GRIA4: variants seen among roughly 807,000 people sequenced by gnomAD.
GRIA4 encodes glutamate ionotropic receptor AMPA type subunit 4.
Under a neutral mutation model 104.0 loss-of-function variants are expected in GRIA4, and 34 were observed. The ratio of observed to expected loss-of-function variants is 0.33; its 90% CI spans 0.25 to 0.44. GRIA4 has a LOEUF of 0.44. Among genes scored for constraint, GRIA4 ranks in the 20% least tolerant of loss-of-function variants. GRIA4 has a pLI of 1.00. For missense variants in GRIA4, 750 were observed against 1,096.5 expected (o/e 0.68, Z 4.46); for synonymous variants, 386 against 381.9 (o/e 1.01, Z -0.13).
intron 16 of GRIA4, among the ~76,000 whole-genome samples, chr11:105,976,653 G>A (rs73552653): frequency 1.2e-3 from 176 of 152,014 alleles, no homozygotes; most frequent in African/African-American, 4.1e-3. Context: ...GGAAATGATT[G>A]GTAATTCAAA....
At chr11:105,940,886 C>G (rs1948166165) in intron 14 of GRIA4, among the ~76,000 whole-genome samples, 1 of 152,024 alleles carries the variant, frequency 6.6e-6, no homozygotes, top group African/African-American at 2.4e-5. Context: ...AGCAATGACT[C>G]TGGTTTAGAA....
intron 7 of GRIA4, among the ~76,000 whole-genome samples, chr11:105,899,778 C>A (rs1422652875): frequency 6.6e-6 from 1 of 152,174 alleles, no homozygotes; most frequent in African/African-American, 2.4e-5. Context: ...TTTAAAGAAA[C>A]CTTATTTAAT....
intron 4 of GRIA4, among the ~76,000 whole-genome samples, chr11:105,809,298 T>C (rs1266188205): frequency 6.6e-6 from 1 of 152,184 alleles, no homozygotes; most frequent in Non-Finnish European, 1.5e-5. Flanking sequence ...CAAAGTGTAA[T>C]GATCAAATCT....
At position 105,724,336 on chromosome 11, in the gene GRIA4, CATAG is replaced by C. The variant is rs200822644; in HGVS notation, c.248-28630_248-28627del. Among the ~76,000 whole-genome samples, 774 of 140,996 alleles carry C rather than the reference CATAG, an allele frequency of 5.5e-3. 16 individuals are homozygous for C. Among genetic ancestry groups the C allele is most frequent in the African/African-American group, 0.018 (715 of 39,376 alleles). The allele number at this position is 140,996 out of a possible 152,430, so 92.5% of individuals were successfully genotyped here. ...AAATAAAATGTGACATATATATATACATAGATAGATAGATAGATGGATACACACA... is the reference window on the plus strand; with the variant it reads ...AAATAAAATGTGACATATATATATACATAGATAGATAGATGGATACACACA... On this transcript the variant is annotated intron_variant, in intron 3 of 16. Coordinates refer to ENST00000282499, the MANE Select transcript of GRIA4 (RefSeq NM_000829.4).
intron 4 of GRIA4, among the ~76,000 whole-genome samples, chr11:105,836,749 G>A (rs1944202435): frequency 6.6e-6 from 1 of 152,158 alleles, no homozygotes; most frequent in Non-Finnish European, 1.5e-5. Context: ...TGATTCTGAT[G>A]TGGATGATTT....
At chr11:105,642,892 A>G (rs1330741875) in intron 3 of GRIA4, among the ~76,000 whole-genome samples, 1 of 152,216 alleles carries the variant, frequency 6.6e-6, no homozygotes. Flanking sequence ...GTAATTTATA[A>G]AGGAATGGTT....
chr11:105,962,759 T>A (rs1948773727), intron 14 of GRIA4, among the ~76,000 whole-genome samples: 1 of 152,158 alleles, frequency 6.6e-6, no homozygotes, highest in Non-Finnish European at 1.5e-5. Context: ...TCCAATATGG[T>A]TTAAACATCT....
chr11:105,888,830 A>T (rs1202875053), intron 6 of GRIA4, among the ~76,000 whole-genome samples: 2 of 152,150 alleles, frequency 1.3e-5, no homozygotes, highest in East Asian at 1.9e-4. Context: ...ATAAAGTATA[A>T]TCTTGCGACT....
At chr11:105,757,446 G>T (rs1386566314) in intron 4 of GRIA4, among the ~76,000 whole-genome samples, 3 of 152,078 alleles carry the variant, frequency 2.0e-5, no homozygotes, top group Admixed American at 1.3e-4. Context: ...TAAAACAAGG[G>T]TAGTCAAAGG....
chr11:105,903,740 CA>C, intron 7 of GRIA4, 73 bp from the exon 8 acceptor site: 1 of 1,008,556 alleles, frequency 9.9e-7, no homozygotes, highest in Non-Finnish European at 1.6e-6. Flanking sequence ...CATAAACTTA[CA>C]AAGACCCCAG....
chr11:105,826,614 C>A (rs1943779240), intron 4 of GRIA4, among the ~76,000 whole-genome samples: 1 of 152,038 alleles, frequency 6.6e-6, no homozygotes, highest in African/African-American at 2.4e-5. Flanking sequence ...TTGCATGCTT[C>A]TCTCATTTTC....
intron 3 of GRIA4, among the ~76,000 whole-genome samples, chr11:105,740,291 G>T (rs1939224145): frequency 6.6e-6 from 1 of 152,138 alleles, no homozygotes; most frequent in South Asian, 2.1e-4. Context: ...GTTAATGCAT[G>T]GTCAAAAGGG....
At chr11:105,922,957 T>C (rs887555518) in intron 11 of GRIA4, among the ~76,000 whole-genome samples, 1 of 152,160 alleles carries the variant, frequency 6.6e-6, no homozygotes, top group Non-Finnish European at 1.5e-5. Context: ...CTCTTGTATA[T>C]ATGGGCTTTT....
At chr11:105,643,957 G>T (rs940403850) in intron 3 of GRIA4, among the ~76,000 whole-genome samples, 1 of 152,152 alleles carries the variant, frequency 6.6e-6, no homozygotes, top group African/African-American at 2.4e-5. Context: ...GACCTCAGGT[G>T]ATCCACCTGC....
At chr11:105,742,032 T>C (rs1462679929) in intron 3 of GRIA4, among the ~76,000 whole-genome samples, 1 of 152,134 alleles carries the variant, frequency 6.6e-6, no homozygotes, top group Non-Finnish European at 1.5e-5. Flanking sequence ...ACTTTGCTTG[T>C]TGTGTTATTC....
chr11:105,852,180 T>C (rs1324701233), intron 4 of GRIA4, among the ~76,000 whole-genome samples: 5 of 152,150 alleles, frequency 3.3e-5, no homozygotes, highest in Non-Finnish European at 4.4e-5. Context: ...AATGACCAAA[T>C]ACGGAATTTA....
At chr11:105,887,700 A>AT (rs1403870060) in intron 6 of GRIA4, 128 bp downstream of exon 6, 3 of 565,574 alleles carry the variant, frequency 5.3e-6, no homozygotes, top group Admixed American at 7.1e-5. Flanking sequence ...AACACATGAT[A>AT]TTTTATTACA....
intron 3 of GRIA4, among the ~76,000 whole-genome samples, chr11:105,672,802 G>A (rs1952416083): frequency 6.6e-6 from 1 of 152,010 alleles, no homozygotes; most frequent in Non-Finnish European, 1.5e-5. Context: ...TGAGGATTCA[G>A]TATTTTAAAA....
chr11:105,713,240 G>A (rs1286330236), intron 3 of GRIA4, among the ~76,000 whole-genome samples: 1 of 151,906 alleles, frequency 6.6e-6, no homozygotes, highest in African/African-American at 2.4e-5. Context: ...AAAATTAGCT[G>A]GGCGTCGTGG....
Sources: gnomAD v4.1 joint callset for allele counts (sites outside exome capture counted in the v4.1 genomes callset) on GRCh38, gnomAD v4.1.1 for gene constraint, MANE v1.5 for transcripts, NCBI Gene and HGNC (gene_info 2026-07-23, HGNC 2026-07-21) for gene names.